CERT1: variants seen among roughly 807,000 people sequenced by gnomAD.
CERT1 encodes the protein ceramide transfer protein.
CERT1 carries 31 observed loss-of-function variants against 87.9 expected under a neutral mutation model. That is an observed-to-expected ratio of 0.35 (90% CI 0.27 to 0.48). CERT1 has a LOEUF of 0.48. CERT1 is among the 20% of genes least tolerant of loss of function. The pLI, the probability that CERT1 is intolerant of heterozygous loss-of-function variation, is 0.99. For synonymous variants in CERT1, 289 were observed against 250.9 expected, an observed-to-expected ratio of 1.15 and a Z score of -1.44; for missense variants, 487 against 758.0, an observed-to-expected ratio of 0.64 and a Z score of 4.20.
intron 3 of CERT1, among the ~76,000 whole-genome samples, chr5:75,427,902 AAAT>A (rs1763690382): frequency 6.6e-6 from 1 of 152,226 alleles, no homozygotes; most frequent in South Asian, 2.1e-4. Context: ...ACAAGTGGTA[AAAT>A]AATATCTAAT....
chr5:75,399,723 G>T (rs777366349), intron 10 of CERT1, among the ~76,000 whole-genome samples: 1 of 147,616 alleles, frequency 6.8e-6, no homozygotes, highest in Non-Finnish European at 1.5e-5. Context: ...AAAAATGAAA[G>T]AACTTTATTT....
intron 2 of CERT1, among the ~76,000 whole-genome samples, chr5:75,489,941 A>G (rs1766698140): frequency 6.6e-6 from 1 of 152,168 alleles, no homozygotes; most frequent in African/African-American, 2.4e-5. Flanking sequence ...CACTATTCAC[A>G]ACAGCAATTG....
intron 15 of CERT1, 52 bp from the exon 16 acceptor site, chr5:75,381,253 C>T: frequency 6.2e-7 from 1 of 1,605,394 alleles, no homozygotes; most frequent in Non-Finnish European, 8.5e-7. Context: ...TTTGTAAACT[C>T]TGCTGGTCTA....
In CERT1 at chr5:75,511,287, G is replaced by T; in HGVS notation, c.-80C>A. 1.3e-6 allele frequency: 2 copies of T among 1,574,570 alleles called. No homozygotes were observed. The highest frequency in any genetic ancestry group is 2.3e-5 in the East Asian group (1 of 42,598). Reference sequence around the variant, plus strand: ...GGAGGCGCCCAGTCCTCGGGGTGAAGGGTCGGGGGATGGCGAAGCGAAGAG... The same window carrying T: ...GGAGGCGCCCAGTCCTCGGGGTGAATGGTCGGGGGATGGCGAAGCGAAGAG... On this transcript the variant is annotated 5_prime_UTR_variant, in exon 1 of 17. Coordinates refer to ENST00000643780, the MANE Select transcript of CERT1 (RefSeq NM_001379029.1).
chr5:75,506,135 A>G lies in CERT1; in HGVS notation c.97-19T>C, dbSNP rs1401163075. On this transcript the variant is annotated intron_variant, in intron 1 of 16. Transcript: ENST00000643780. The stretch of plus-strand genomic sequence containing the variant: ...TTGTCCACTGGGAGTGGGAAGGGGA[A>G]GGGAAGAGAGAAGAAAACAAAAAAT... 3.1e-6 allele frequency: 5 copies of G among 1,608,756 alleles called. No homozygotes were observed. The highest frequency in any genetic ancestry group is 4.2e-6 in the Non-Finnish European group (5 of 1,177,360).
chr5:75,409,830 C>T (rs1435051489), intron 8 of CERT1, among the ~76,000 whole-genome samples: 3 of 143,264 alleles, frequency 2.1e-5, no homozygotes, highest in South Asian at 4.8e-4. Flanking sequence ...CTGGCCAACA[C>T]GTTTTTTTTT....
At chr5:75,508,972 A>T (rs1032979566) in intron 1 of CERT1, among the ~76,000 whole-genome samples, 1 of 152,066 alleles carries the variant, frequency 6.6e-6, no homozygotes, top group Non-Finnish European at 1.5e-5. Context: ...ACCATGATCC[A>T]TCACGATACT....
At chr5:75,496,728 T>C (rs1284601938) in intron 2 of CERT1, among the ~76,000 whole-genome samples, 1 of 152,200 alleles carries the variant, frequency 6.6e-6, no homozygotes, top group Non-Finnish European at 1.5e-5. Flanking sequence ...AAGAGATGCA[T>C]ACTGCATGAT....
At position 75,472,544 on chromosome 5, in the gene CERT1, G is replaced by A. The variant is rs569608694; in HGVS notation, c.232-13363C>T. ...TATCTCTGATAAGGGATTAATATCCGAAAAATATCAGGAACTCAACTCAAT... is the reference window on the plus strand; with the variant it reads ...TATCTCTGATAAGGGATTAATATCCAAAAAATATCAGGAACTCAACTCAAT... On this transcript the variant is annotated intron_variant, in intron 2 of 16. Transcript: ENST00000643780. Among the ~76,000 whole-genome samples the A allele has an allele frequency of 5.9e-5, 9 of 152,132 alleles. No individual in the cohort carries two copies. The East Asian group carries it at 9.6e-4, about 16-fold the overall frequency.
intron 3 of CERT1, among the ~76,000 whole-genome samples, chr5:75,451,470 G>C (rs1391216400): frequency 1.3e-5 from 2 of 152,174 alleles, no homozygotes; most frequent in Non-Finnish European, 2.9e-5. Flanking sequence ...ATCATCATAT[G>C]ATGCAAATAG....
rs564319547 is a variant in CERT1 at position 75,460,724 on chromosome 5, T to C, written c.232-1543A>G. Among the ~76,000 whole-genome samples the C allele has an allele frequency of 2.0e-5, 3 of 152,358 alleles. No homozygotes were observed. The East Asian group carries it at 5.8e-4, about 29-fold the overall frequency. The stretch of plus-strand genomic sequence containing the variant: ...TGTACTCCTCCCAGGGTTTATTGTT[T>C]ATTCTCTCCCTCCCTTAACAACATC... On this transcript the variant is annotated intron_variant, in intron 2 of 16. Transcript: ENST00000643780.
At chr5:75,430,341 T>C (rs995403121) in intron 3 of CERT1, among the ~76,000 whole-genome samples, 3 of 152,186 alleles carry the variant, frequency 2.0e-5, no homozygotes, top group Non-Finnish European at 2.9e-5. Context: ...GAGACTTACA[T>C]GAATCCACAT....
At chr5:75,448,982 A>G (rs1282225598) in intron 3 of CERT1, among the ~76,000 whole-genome samples, 1 of 152,194 alleles carries the variant, frequency 6.6e-6, no homozygotes, top group Non-Finnish European at 1.5e-5. Flanking sequence ...ACACATAGTA[A>G]ACATTATAAA....
At chr5:75,436,012 G>A (rs756861822) in intron 3 of CERT1, among the ~76,000 whole-genome samples, 2 of 152,156 alleles carry the variant, frequency 1.3e-5, no homozygotes, top group East Asian at 1.9e-4. Flanking sequence ...AGCTGGGGCA[G>A]CGGCAGGTCC....
chr5:75,504,794 T>C (rs1767577464), intron 2 of CERT1, among the ~76,000 whole-genome samples: 2 of 151,804 alleles, frequency 1.3e-5, no homozygotes, highest in African/African-American at 4.8e-5. Flanking sequence ...TGACCATTCT[T>C]AACCAGTATG....
chr5:75,491,288 T>G (rs2112428124), intron 2 of CERT1, among the ~76,000 whole-genome samples: 1 of 152,286 alleles, frequency 6.6e-6, no homozygotes, highest in South Asian at 2.1e-4. Flanking sequence ...ATTTTTTGGT[T>G]CCTTTTTTTC....
At chr5:75,435,981 G>A (rs570418139) in intron 3 of CERT1, among the ~76,000 whole-genome samples, 1 of 152,260 alleles carries the variant, frequency 6.6e-6, no homozygotes, top group African/African-American at 2.4e-5. Context: ...ACCTATAGGG[G>A]TCTGTGCATG....
chr5:75,470,556 C>A (rs1178311373), intron 2 of CERT1, among the ~76,000 whole-genome samples: 4 of 152,076 alleles, frequency 2.6e-5, no homozygotes, highest in East Asian at 1.9e-4. Context: ...AAGCACTGGA[C>A]AAAATTCAAC....
chr5:75,426,858 T>C (rs764618641), intron 3 of CERT1, among the ~76,000 whole-genome samples: 12 of 152,232 alleles, frequency 7.9e-5, no homozygotes, highest in Non-Finnish European at 1.6e-4. Flanking sequence ...AGATGGATGA[T>C]GGTGACGGTT....
Sources: gnomAD v4.1 joint callset for allele counts (sites outside exome capture counted in the v4.1 genomes callset) on GRCh38, gnomAD v4.1.1 for gene constraint, MANE v1.5 for transcripts, NCBI Gene and HGNC (gene_info 2026-07-23, HGNC 2026-07-21) for gene names.